Variants in XRCC1 observed in about 807,000 individuals in gnomAD.
The protein encoded by XRCC1 is X-ray repair cross complementing 1, also known as DNA repair protein XRCC1.
In XRCC1, 52 loss-of-function variants were observed where a neutral mutation model predicts 83.3. The observed-to-expected ratio is 0.62, with a 90% CI of 0.50 to 0.79. XRCC1 has a LOEUF of 0.79. Among genes scored for constraint, XRCC1 ranks in the 30% least tolerant of loss-of-function variants. The probability of loss-of-function intolerance (pLI) is 0.00; values close to 1 mark genes in which losing one functional copy is unlikely to be tolerated. For synonymous variants in XRCC1, 281 were observed against 312.6 expected (o/e 0.90, Z 1.07); for missense variants, 793 against 823.5 (o/e 0.96, Z 0.45).
intron 10 of XRCC1, among the ~76,000 whole-genome samples, chr19:43,551,010 A>T (rs1366317355): frequency 6.6e-6 from 1 of 151,432 alleles, no homozygotes; most frequent in African/African-American, 2.4e-5. Flanking sequence ...TTGAGATGGG[A>T]GTCTCGCTCT....
intron 2 of XRCC1, among the ~76,000 whole-genome samples, chr19:43,567,948 C>T (rs552545501): frequency 6.7e-6 from 1 of 149,790 alleles, no homozygotes; most frequent in South Asian, 2.1e-4. Context: ...GATCTCGGCT[C>T]TCTGCAACCT....
intron 2 of XRCC1, among the ~76,000 whole-genome samples, chr19:43,566,911 A>G (rs1455129504): frequency 6.6e-6 from 1 of 151,766 alleles, no homozygotes; most frequent in Non-Finnish European, 1.5e-5. Flanking sequence ...TTATATATAC[A>G]TGGTAACAAC....
chr19:43,544,543 G>T (rs1458481617), intron 14 of XRCC1, among the ~76,000 whole-genome samples: 1 of 151,676 alleles, frequency 6.6e-6, no homozygotes, highest in Non-Finnish European at 1.5e-5. Flanking sequence ...GACTCACTCT[G>T]TCGCCCAGGC....
At chr19:43,543,902 CA>C (rs1972481845) in intron 15 of XRCC1, among the ~76,000 whole-genome samples, 2 of 152,136 alleles carry the variant, frequency 1.3e-5, no homozygotes. Flanking sequence ...CTTTCAGAAG[CA>C]GGGGTAGGGG....
chr19:43,571,989 A>G (rs898549368), intron 2 of XRCC1, among the ~76,000 whole-genome samples: 6 of 152,158 alleles, frequency 3.9e-5, no homozygotes, highest in African/African-American at 1.4e-4. Context: ...GTGATCCCCA[A>G]CTGCCTCCTG....
chr19:43,574,496 G>A (rs1367162874), intron 2 of XRCC1: 6 of 164,546 alleles, frequency 3.6e-5, no homozygotes, highest in Admixed American at 3.5e-4. Flanking sequence ...CTCTGAAAGT[G>A]CTGGGTTTAC....
Position 43,546,872 on chromosome 19 carries a change from G to A in XRCC1, c.1293+12C>T, listed in dbSNP as rs1370222615. 1.9e-6 allele frequency: 3 copies of A among 1,613,774 alleles called. No homozygotes were observed. Among genetic ancestry groups the A allele is most frequent in the Non-Finnish European group, 2.5e-6 (3 of 1,179,938 alleles). On this transcript the variant is annotated intron_variant, in intron 11 of 16. Transcript: ENST00000262887. Reference sequence around the variant, plus strand: ...CACTACACCCTCCCCCACTGGACAGGGGGCATCAGACCTTCTGAGGAAGCT... The same window carrying A: ...CACTACACCCTCCCCCACTGGACAGAGGGCATCAGACCTTCTGAGGAAGCT...
At chr19:43,570,818 C>T (rs1000463365) in intron 2 of XRCC1, among the ~76,000 whole-genome samples, 2 of 138,710 alleles carry the variant, frequency 1.4e-5, no homozygotes, top group African/African-American at 5.5e-5. Context: ...GATAAGCCTA[C>T]TGCCTTGGTG....
At chr19:43,546,779 TG>T (rs770918404) in intron 11 of XRCC1, 52 bp from the exon 12 acceptor site, 22 of 1,593,176 alleles carry the variant, frequency 1.4e-5, no homozygotes, top group Admixed American at 3.4e-5. Context: ...GTGGGTGTGT[TG>T]GGGGGGTACC....
intron 15 of XRCC1, 124 bp downstream of exon 15, chr19:43,544,020 T>C: frequency 1.0e-6 from 1 of 970,996 alleles, no homozygotes; most frequent in Non-Finnish European, 1.5e-6. Context: ...GCCCACCTGC[T>C]GGGCATGGCC....
intron 2 of XRCC1, among the ~76,000 whole-genome samples, chr19:43,571,827 A>G (rs968267734): frequency 1.3e-5 from 2 of 152,202 alleles, no homozygotes; most frequent in African/African-American, 4.8e-5. Flanking sequence ...GTACTGCTGT[A>G]TTAAAACAGT....
intron 3 of XRCC1, among the ~76,000 whole-genome samples, chr19:43,556,465 C>T (rs1034004757): frequency 6.6e-6 from 1 of 152,168 alleles, no homozygotes; most frequent in African/African-American, 2.4e-5. Context: ...TCTGTTCTCT[C>T]AAGGAATTGA....
At chr19:43,547,541 C>G (rs1413475541) in intron 10 of XRCC1, among the ~76,000 whole-genome samples, 2 of 148,678 alleles carry the variant, frequency 1.3e-5, no homozygotes, top group African/African-American at 5.0e-5. Flanking sequence ...AGTGCAGTGG[C>G]GTGATCTTGG....
At chr19:43,554,348 T>A (rs950047130) in intron 4 of XRCC1, among the ~76,000 whole-genome samples, 1 of 152,164 alleles carries the variant, frequency 6.6e-6, no homozygotes, top group Non-Finnish European at 1.5e-5. Flanking sequence ...CCAGATCTCC[T>A]GATGTTAACT....
intron 6 of XRCC1, 63 bp from the exon 7 acceptor site, chr19:43,553,154 T>A: frequency 1.4e-6 from 2 of 1,478,724 alleles, no homozygotes; most frequent in Non-Finnish European, 1.8e-6. Context: ...TTCACTCCTA[T>A]CTATGGGACA....
intron 11 of XRCC1, 34 bp from the exon 12 acceptor site, chr19:43,546,761 G>C: frequency 6.3e-7 from 1 of 1,598,986 alleles, no homozygotes; most frequent in Non-Finnish European, 8.5e-7. Flanking sequence ...GAGGAGGGCA[G>C]GAACAGTGTG....
At chr19:43,563,357 G>A (rs939152148) in intron 2 of XRCC1, among the ~76,000 whole-genome samples, 4 of 152,208 alleles carry the variant, frequency 2.6e-5, no homozygotes, top group African/African-American at 9.6e-5. Context: ...GCCGGGCATG[G>A]TGGTGAGCGC....
At chr19:43,553,709 G>A (rs780841509) in intron 4 of XRCC1, 26 bp from the exon 5 acceptor site, 1 of 1,516,622 alleles carries the variant, frequency 6.6e-7, no homozygotes, top group Non-Finnish European at 8.9e-7. Flanking sequence ...TGGGAGTCAG[G>A]GAGTCTGGCC....
At chr19:43,572,155 T>C (rs1972811891) in intron 2 of XRCC1, among the ~76,000 whole-genome samples, 1 of 152,190 alleles carries the variant, frequency 6.6e-6, no homozygotes. Context: ...GTTCTGTCTC[T>C]TCTGCCTCCA....
Sources: allele counts gnomAD v4.1 joint callset (sites outside exome capture counted in the v4.1 genomes callset), GRCh38; gene constraint gnomAD v4.1.1; transcripts MANE v1.5; gene names NCBI Gene and HGNC (gene_info 2026-07-23, HGNC 2026-07-21).